CMKLR1: variants seen among roughly 807,000 people sequenced by gnomAD.
CMKLR1 encodes the protein chemerin chemokine-like receptor 1.
CMKLR1 carries 6 observed loss-of-function variants against 8.2 expected under a neutral mutation model. The observed-to-expected ratio is 0.73, with a 90% CI of 0.40 to 1.44. The LOEUF (loss-of-function observed/expected upper bound fraction) is 1.44, where lower values mean the gene tolerates loss of function less well. Among genes scored for constraint, CMKLR1 ranks in the 40% most tolerant of loss-of-function variants. CMKLR1 has a pLI of 0.02. For missense variants in CMKLR1, 429 were observed against 478.0 expected, an observed-to-expected ratio of 0.90 and a Z score of 0.96; for synonymous variants, 178 against 181.2, an observed-to-expected ratio of 0.98 and a Z score of 0.14.
rs1020336722 is a variant in CMKLR1 at position 108,291,799 on chromosome 12, C to T, written c.*42G>A. On this transcript the variant is annotated 3_prime_UTR_variant, in exon 4 of 4. Transcript: ENST00000550402. ...CTTCAGAAGACATATCCTTGGGTGT[C>T]CCTGGGTTGAGAGAGTCCATTGAGG... is the stretch of plus-strand genomic sequence containing the variant. 3 of 1,566,044 alleles carry T rather than the reference C, an allele frequency of 1.9e-6. No individual in the cohort carries two copies. The highest frequency in any genetic ancestry group is 2.4e-5 in the South Asian group (2 of 81,692).
At chr12:108,322,215 G>C (rs143540226) in intron 2 of CMKLR1, among the ~76,000 whole-genome samples, 76 of 152,290 alleles carry the variant, frequency 5.0e-4, no homozygotes, top group African/African-American at 1.8e-3. Context: ...GAACGGGTTG[G>C]AACTCCTGCT....
rs781609271 is a variant in CMKLR1 at position 108,292,378 on chromosome 12, C to A, written c.585G>T (p.Leu195=). 1 of 1,614,024 alleles carries A rather than the reference C, an allele frequency of 6.2e-7. No homozygotes were observed. The highest frequency in any genetic ancestry group is 1.3e-5 in the African/African-American group (1 of 74,912). Residue 195 remains leucine (L), a synonymous_variant, in exon 4 of 4, where the codon CTG becomes CTT. Coordinates refer to ENST00000550402, the MANE Select transcript of CMKLR1 (RefSeq NM_001142343.2). ...GKISCFNNFS[L]STPGSSSWPT... ...GCCACGAGGAAGACCCAGGTGTGGA[C>A]AGGCTGAAGTTGTTGAAGCAGGATA...
At chr12:108,295,257 A>T (rs1486384114) in intron 2 of CMKLR1, among the ~76,000 whole-genome samples, 1 of 152,230 alleles carries the variant, frequency 6.6e-6, no homozygotes, top group Non-Finnish European at 1.5e-5. Flanking sequence ...GGGCTCAGAG[A>T]GATCAGGACC....
In CMKLR1 at chr12:108,308,527, C is replaced by T. The variant is rs375104593; in HGVS notation, c.-73-14863G>A. On this transcript the variant is annotated intron_variant, in intron 2 of 3. Coordinates refer to ENST00000550402, the MANE Select transcript of CMKLR1 (RefSeq NM_001142343.2). Reference sequence around the variant, plus strand: ...CCTCCTTCTGGAGACTTCCTGCCCTCGCCTTGACTGTTCCCCTCCAGGGCT... The same window carrying T: ...CCTCCTTCTGGAGACTTCCTGCCCTTGCCTTGACTGTTCCCCTCCAGGGCT... 7.2e-4 allele frequency among the ~76,000 whole-genome samples: 110 copies of T among 152,320 alleles called. 1 individual carries two copies. The South Asian group carries it at 0.02, about 28-fold the overall frequency.
intron 2 of CMKLR1, among the ~76,000 whole-genome samples, chr12:108,308,929 C>G (rs1237239508): frequency 2.0e-5 from 3 of 152,092 alleles, no homozygotes; most frequent in African/African-American, 7.2e-5. Context: ...GAGGGGTAGT[C>G]GGGGGTGACA....
At chr12:108,317,700 A>T (rs868066173) in intron 2 of CMKLR1, among the ~76,000 whole-genome samples, 8 of 152,282 alleles carry the variant, frequency 5.3e-5, no homozygotes, top group African/African-American at 1.9e-4. Flanking sequence ...TTAGCCTAAC[A>T]GCCATCCATC....
At chr12:108,326,093 T>C (rs1891976639) in intron 2 of CMKLR1, among the ~76,000 whole-genome samples, 1 of 151,618 alleles carries the variant, frequency 6.6e-6, no homozygotes, top group Non-Finnish European at 1.5e-5. Flanking sequence ...AGCTTTGTCA[T>C]TTTTTTTAAG....
intron 2 of CMKLR1, among the ~76,000 whole-genome samples, chr12:108,309,830 G>A (rs1891503908): frequency 6.6e-6 from 1 of 152,232 alleles, no homozygotes; most frequent in African/African-American, 2.4e-5. Context: ...GGTCTCTGCT[G>A]TGGCAGAAAT....
At position 108,292,415 on chromosome 12, in the gene CMKLR1, A is replaced by G. The variant is rs1891007977; in HGVS notation, c.548T>C (p.Leu183Pro). 1 of 1,614,174 alleles carries G rather than the reference A, an allele frequency of 6.2e-7. No homozygotes were observed. Among genetic ancestry groups the G allele is most frequent in the Non-Finnish European group, 8.5e-7 (1 of 1,180,034 alleles). ...PSLVFRDTAN[L>P]HGKISCFNNF... ...GTTGAAGCAGGATATTTTCCCATGC[A>G]GGTTGGCTGTGTCCCGGAAGACGAG... The change falls in exon 4 of 4, where the codon CTG becomes CCG. Residue 183 changes from leucine (L) to proline (P), a missense_variant. By Grantham distance (98) the Leu-to-Pro change is moderately conservative. Transcript: ENST00000550402.
Position 108,295,577 on chromosome 12 carries a change from C to T in CMKLR1, c.-73-1913G>A, listed in dbSNP as rs142521557. Among the ~76,000 whole-genome samples the T allele has an allele frequency of 3.0e-4, 46 of 152,352 alleles. 1 individual carries two copies. The highest frequency in any genetic ancestry group is 1.1e-3 in the African/African-American group (45 of 41,588). On this transcript the variant is annotated intron_variant, in intron 2 of 3. Coordinates refer to ENST00000550402, the MANE Select transcript of CMKLR1 (RefSeq NM_001142343.2). The stretch of plus-strand genomic sequence containing the variant: ...TGCCCCAAGAAGCCCAGAGGAGGGG[C>T]TGTTACCCAGCCTGGGAGTCTGAAG...
intron 2 of CMKLR1, among the ~76,000 whole-genome samples, chr12:108,325,908 C>G (rs1891973176): frequency 6.6e-6 from 1 of 152,086 alleles, no homozygotes; most frequent in Admixed American, 6.5e-5. Context: ...GTGCAAGGAC[C>G]CCAGGCTCCT....
Position 108,289,876 on chromosome 12 carries a change from G to A in CMKLR1, c.*1965C>T, listed in dbSNP as rs535780982. 7.2e-5 allele frequency: 11 copies of A among 152,342 alleles called. No homozygotes were observed. The highest frequency in any genetic ancestry group is 1.4e-4 in the African/African-American group (6 of 41,572). 9.4% of individuals were successfully genotyped at this position (152,342 alleles called of 1,614,324 possible). On this transcript the variant is annotated 3_prime_UTR_variant, in exon 4 of 4. Transcript: ENST00000550402. ...AAACAGCCCATGGCCTCGGGAACTC[G>A]CCCAGCGCGGGGTAGACATTGCATC...
intron 1 of CMKLR1, among the ~76,000 whole-genome samples, chr12:108,334,289 A>G (rs192077269): frequency 1.1e-3 from 167 of 152,388 alleles, no homozygotes; most frequent in African/African-American, 3.9e-3. Flanking sequence ...GACAGGAAGC[A>G]GGTCTGATTC....
At chr12:108,308,749 G>A (rs1891476271) in intron 2 of CMKLR1, among the ~76,000 whole-genome samples, 1 of 152,190 alleles carries the variant, frequency 6.6e-6, no homozygotes, top group Non-Finnish European at 1.5e-5. Flanking sequence ...TTGATATTGG[G>A]CTCAGCTCTG....
At chr12:108,330,466 TAG>T (rs1423162462) in intron 1 of CMKLR1, among the ~76,000 whole-genome samples, 1 of 152,212 alleles carries the variant, frequency 6.6e-6, no homozygotes, top group Non-Finnish European at 1.5e-5. Flanking sequence ...TGGGTTCAAC[TAG>T]AGGAAAAGTC....
chr12:108,329,756 G>A (rs928314608), intron 2 of CMKLR1, among the ~76,000 whole-genome samples: 8 of 152,292 alleles, frequency 5.3e-5, no homozygotes, highest in African/African-American at 1.7e-4. Flanking sequence ...GGAGCTCCCT[G>A]TATCCCATGC....
chr12:108,310,156 T>A (rs1284939452), intron 2 of CMKLR1, among the ~76,000 whole-genome samples: 1 of 139,224 alleles, frequency 7.2e-6, no homozygotes, highest in African/African-American at 2.8e-5. Flanking sequence ...AAAAGTGTGG[T>A]TAGGGGCTGT....
intron 2 of CMKLR1, among the ~76,000 whole-genome samples, chr12:108,306,871 G>A (rs951315110): frequency 2.0e-5 from 3 of 152,104 alleles, no homozygotes; most frequent in African/African-American, 7.2e-5. Flanking sequence ...CATCTCCCCA[G>A]CAGCCATTCC....
At chr12:108,302,003 T>C (rs1215601753) in intron 2 of CMKLR1, among the ~76,000 whole-genome samples, 1 of 151,772 alleles carries the variant, frequency 6.6e-6, no homozygotes, top group Non-Finnish European at 1.5e-5. Flanking sequence ...ATATTTACAA[T>C]CTCCAAACCC....
Sources: allele counts gnomAD v4.1 joint callset (sites outside exome capture counted in the v4.1 genomes callset), GRCh38; gene constraint gnomAD v4.1.1; transcripts MANE v1.5; gene names NCBI Gene and HGNC (gene_info 2026-07-23, HGNC 2026-07-21).